REV1: variants seen among roughly 807,000 people sequenced by gnomAD.
REV1 encodes the protein REV1 DNA directed polymerase.
Under a neutral mutation model 137.4 loss-of-function variants are expected in REV1, and 42 were observed. The ratio of observed to expected loss-of-function variants is 0.31; its 90% CI spans 0.24 to 0.40. The LOEUF (loss-of-function observed/expected upper bound fraction) is 0.40, where lower values mean the gene tolerates loss of function less well. Among genes scored for constraint, REV1 ranks in the 10% least tolerant of loss-of-function variants. The pLI, the probability that REV1 is intolerant of heterozygous loss-of-function variation, is 1.00. For synonymous variants in REV1, 524 were observed against 519.2 expected (o/e 1.01, Z -0.12); for missense variants, 1,282 against 1,490.1 (o/e 0.86, Z 2.30).
Position 99,483,859 on chromosome 2 carries a change from T to C in REV1, c.-11+5958A>G, listed in dbSNP as rs190594849. ...TCCTCTTTAGCAGGCAAATGACTCT[T>C]GGGGTCTCACTTTCCTCCAGTAAGA... is the stretch of plus-strand genomic sequence containing the variant. On this transcript the variant is annotated intron_variant, in intron 1 of 22. Coordinates refer to ENST00000258428, the MANE Select transcript of REV1 (RefSeq NM_016316.4). 2.0e-3 allele frequency among the ~76,000 whole-genome samples: 308 copies of C among 152,224 alleles called. 2 individuals are homozygous for C. The highest frequency in any genetic ancestry group is 7.2e-3 in the African/African-American group (300 of 41,520).
chr2:99,410,750 C>T lies in REV1; in HGVS notation c.2290G>A (p.Ala764Thr), dbSNP rs1490573213. ...TLKIMVRKPG[A>T]PVETAKFGGH... ...CCAAATTTTGCAGTTTCTACAGGAGCCCCAGGCTTTCGTACCATGATTTTG... is the reference window on the plus strand; with the variant it reads ...CCAAATTTTGCAGTTTCTACAGGAGTCCCAGGCTTTCGTACCATGATTTTG... Residue 764 changes from alanine (A) to threonine (T), a missense_variant, in exon 14 of 23, where the codon GCT (alanine) becomes ACT (threonine). This residue lies in a region of REV1 where 372 missense variants were observed against 482.3 expected (regional missense o/e 0.77). Coordinates refer to ENST00000258428, the MANE Select transcript of REV1 (RefSeq NM_016316.4). 5.0e-6 allele frequency: 8 copies of T among 1,610,014 alleles called. No individual in the cohort carries two copies. Among genetic ancestry groups the T allele is most frequent in the Non-Finnish European group, 6.8e-6 (8 of 1,178,914 alleles).
At chr2:99,423,502 A>AC (rs1678950961) in intron 10 of REV1, among the ~76,000 whole-genome samples, 2 of 152,114 alleles carry the variant, frequency 1.3e-5, no homozygotes, top group African/African-American at 4.8e-5. Context: ...AACTATGCTG[A>AC]CCCCTGGTTT....
chr2:99,477,261 G>T (rs892294334), intron 1 of REV1, among the ~76,000 whole-genome samples: 2 of 152,218 alleles, frequency 1.3e-5, no homozygotes, highest in Non-Finnish European at 2.9e-5. Flanking sequence ...TCTGGCCAAG[G>T]AGGTATGAGC....
intron 3 of REV1, among the ~76,000 whole-genome samples, chr2:99,452,870 T>G (rs1314571473): frequency 6.6e-6 from 1 of 152,170 alleles, no homozygotes; most frequent in Non-Finnish European, 1.5e-5. Flanking sequence ...GAGGACAGAC[T>G]CCAAAGCAGG....
At chr2:99,480,721 C>T (rs150340327) in intron 1 of REV1, among the ~76,000 whole-genome samples, 642 of 152,228 alleles carry the variant, frequency 4.2e-3, no homozygotes, top group Non-Finnish European at 7.0e-3. Context: ...CTATCAGTTC[C>T]AGCATTCACA....
chr2:99,405,561 G>C (rs1451271131), intron 17 of REV1: 1 of 173,962 alleles, frequency 5.7e-6, no homozygotes, highest in African/African-American at 2.4e-5. Flanking sequence ...AAAACCCTTC[G>C]ACATAAGGCC....
chr2:99,483,057 A>C (rs1686790370), intron 1 of REV1, among the ~76,000 whole-genome samples: 1 of 151,764 alleles, frequency 6.6e-6, no homozygotes, highest in African/African-American at 2.4e-5. Flanking sequence ...TACGGTCTTT[A>C]AGATATTGAA....
intron 1 of REV1, among the ~76,000 whole-genome samples, chr2:99,484,061 T>C (rs567193933): frequency 6.6e-6 from 1 of 152,322 alleles, no homozygotes; most frequent in South Asian, 2.1e-4. Flanking sequence ...TTCCTCCTTA[T>C]TGAAGGAGAT....
intron 22 of REV1, among the ~76,000 whole-genome samples, chr2:99,401,882 G>A (rs1210974264): frequency 2.2e-5 from 3 of 139,206 alleles, no homozygotes; most frequent in African/African-American, 5.6e-5. Flanking sequence ...TGGGACCACA[G>A]GTGGGCACCA....
At chr2:99,437,054 T>C (rs1197118915) in intron 6 of REV1, among the ~76,000 whole-genome samples, 2 of 150,620 alleles carry the variant, frequency 1.3e-5, no homozygotes, top group Admixed American at 6.7e-5. Context: ...AGTGGTGCGA[T>C]CTGCAACCTC....
chr2:99,406,255 T>C (rs1676279271), intron 16 of REV1, 70 bp downstream of exon 16: 1 of 1,497,362 alleles, frequency 6.7e-7, no homozygotes, highest in African/African-American at 1.4e-5. Flanking sequence ...GTGTCAATTT[T>C]AAAACCAACT....
chr2:99,430,880 A>T (rs1680031037), intron 8 of REV1, among the ~76,000 whole-genome samples: 1 of 152,176 alleles, frequency 6.6e-6, no homozygotes, highest in Non-Finnish European at 1.5e-5. Context: ...ACATTCTAAA[A>T]CCACAACCTC....
intron 8 of REV1, among the ~76,000 whole-genome samples, chr2:99,430,957 G>C (rs1680044546): frequency 2.0e-5 from 3 of 152,060 alleles, no homozygotes; most frequent in African/African-American, 7.2e-5. Flanking sequence ...TATCACTTCA[G>C]CTATTCCAGA....
chr2:99,486,864 G>T (rs908206084), intron 1 of REV1, among the ~76,000 whole-genome samples: 4 of 152,092 alleles, frequency 2.6e-5, no homozygotes, highest in South Asian at 4.1e-4. Context: ...CTGCTCGCTT[G>T]TTGAGAACAG....
intron 3 of REV1, among the ~76,000 whole-genome samples, chr2:99,460,031 G>A (rs1005100438): frequency 5.3e-5 from 8 of 152,266 alleles, no homozygotes; most frequent in Non-Finnish European, 7.4e-5. Context: ...GCATCTCCCA[G>A]GTTTGCAAAC....
intron 15 of REV1, among the ~76,000 whole-genome samples, chr2:99,407,558 A>T (rs1676513383): frequency 6.6e-6 from 1 of 151,882 alleles, no homozygotes; most frequent in Admixed American, 6.6e-5. Flanking sequence ...CTCAAAAAAA[A>T]AAAACCCCAC....
chr2:99,423,489 G>C (rs1183125274), intron 10 of REV1, among the ~76,000 whole-genome samples: 1 of 152,178 alleles, frequency 6.6e-6, no homozygotes, highest in Non-Finnish European at 1.5e-5. Flanking sequence ...GCTCCCTTCA[G>C]AAAACTATGC....
At chr2:99,416,794 TC>T (rs1458158793) in intron 12 of REV1, among the ~76,000 whole-genome samples, 4 of 150,754 alleles carry the variant, frequency 2.7e-5, no homozygotes, top group African/African-American at 9.8e-5. Flanking sequence ...GTGCCTGTAG[TC>T]CCAGCTACTC....
chr2:99,426,737 C>G lies in REV1; in HGVS notation c.1548-2457G>C, dbSNP rs374846518. ...CTTCATTACCGTGACTCATCTATTACAACTAAAATCCCATACAGGATAAAT... is the reference window on the plus strand; with the variant it reads ...CTTCATTACCGTGACTCATCTATTAGAACTAAAATCCCATACAGGATAAAT... On this transcript the variant is annotated intron_variant, in intron 9 of 22. Coordinates refer to ENST00000258428, the MANE Select transcript of REV1 (RefSeq NM_016316.4). Among the ~76,000 whole-genome samples, 7 of 152,242 alleles carry G rather than the reference C, an allele frequency of 4.6e-5. No individual in the cohort carries two copies. The East Asian group carries it at 1.2e-3, about 25-fold the overall frequency.
Sources: gnomAD v4.1 joint callset for allele counts (sites outside exome capture counted in the v4.1 genomes callset) on GRCh38, gnomAD v4.1.1 for gene constraint, gnomAD v4.1.1 regional missense constraint, MANE v1.5 for transcripts, NCBI Gene and HGNC (gene_info 2026-07-23, HGNC 2026-07-21) for gene names.